Variants in USP7 observed in about 807,000 individuals in gnomAD.
USP7 encodes the protein ubiquitin specific peptidase 7, also known as ubiquitin C-terminal hydrolase 7.
A neutral mutation model predicts 162.9 loss-of-function variants in USP7; 9 were observed. The ratio of observed to expected loss-of-function variants is 0.06; its 90% CI spans 0.03 to 0.10. The LOEUF (loss-of-function observed/expected upper bound fraction) is 0.10, where lower values mean the gene tolerates loss of function less well. Among genes scored for constraint, USP7 ranks in the 10% least tolerant of loss-of-function variants. The pLI is 1.00. For synonymous variants in USP7, 562 were observed against 475.9 expected (o/e 1.18, Z -2.35); for missense variants, 715 against 1,373.7 (o/e 0.52, Z 7.58).
Position 8,903,400 on chromosome 16 carries a change from T to G in USP7, c.1707A>C (p.Ile569=), listed in dbSNP as rs903657562. The part of the protein sequence containing the change: ...QEAHLYMQVQ[I]VAEDQFCGHQ... ...GGCCACAAAACTGGTCCTCTGCGAC[T>G]ATCTGAAAATATGTATGAAAGCACA... The change falls in exon 16 of 31, where the codon ATA becomes ATC. Residue 569 remains isoleucine (I), a splice_region_variant and synonymous_variant. Transcript: ENST00000344836. 1 of 1,613,184 alleles carries G rather than the reference T, an allele frequency of 6.2e-7. No homozygotes were observed. The highest frequency in any genetic ancestry group is 1.3e-5 in the African/African-American group (1 of 74,912).
chr16:8,899,251 T>G, intron 22 of USP7, 63 bp from the exon 23 acceptor site: 3 of 1,533,372 alleles, frequency 2.0e-6, no homozygotes, highest in Non-Finnish European at 1.8e-6. Context: ...ATAAACTTCA[T>G]GCTTAATTAC....
chr16:8,903,188 A>G (rs577381312), intron 16 of USP7, 80 bp downstream of exon 16: 383 of 1,542,436 alleles, frequency 2.5e-4, no homozygotes, highest in Non-Finnish European at 3.1e-4. Flanking sequence ...CCCCAAAGGC[A>G]ATCAGTATTT....
chr16:8,906,275 T>C (rs2141182168), intron 13 of USP7, 151 bp downstream of exon 13: 1 of 822,610 alleles, frequency 1.2e-6, no homozygotes, highest in East Asian at 2.6e-5. Context: ...AGCAATTAAA[T>C]GGATGGGAAA....
chr16:8,946,055 A>G (rs953925161), intron 1 of USP7, among the ~76,000 whole-genome samples: 3 of 152,194 alleles, frequency 2.0e-5, no homozygotes, highest in Admixed American at 1.3e-4. Flanking sequence ...TACAAAAGCA[A>G]TTCAACGGAC....
intron 1 of USP7, among the ~76,000 whole-genome samples, chr16:8,946,533 A>G (rs370655055): frequency 6.6e-6 from 1 of 152,252 alleles, no homozygotes; most frequent in Non-Finnish European, 1.5e-5. Flanking sequence ...CAAATCGCGT[A>G]TCTTACAAAG....
chr16:8,903,041 A>G (rs1207492344), intron 16 of USP7, among the ~76,000 whole-genome samples: 1 of 152,202 alleles, frequency 6.6e-6, no homozygotes, highest in Non-Finnish European at 1.5e-5. Flanking sequence ...AAAAGGGGTG[A>G]AAACATGTCT....
chr16:8,892,482 T>C lies in USP7; in HGVS notation c.*1516A>G, dbSNP rs2061612817. ...GACGGTGCAAGGACCACGCCCACGA[T>C]AGCGCCTGCCGCCCCGAAGGGCCTC... On this transcript the variant is annotated 3_prime_UTR_variant, in exon 31 of 31. Coordinates refer to ENST00000344836, the MANE Select transcript of USP7 (RefSeq NM_003470.3). The C allele has an allele frequency of 6.6e-6, 1 of 152,056 alleles. No homozygotes were observed. The highest frequency in any genetic ancestry group is 1.5e-5 in the Non-Finnish European group (1 of 68,022). The allele number at this position is 152,056 out of a possible 1,614,324, so 9.4% of individuals were successfully genotyped here.
Position 8,921,280 on chromosome 16 carries a change from A to G in USP7, c.399T>C (p.His133=), listed in dbSNP as rs1172688034. 6.2e-7 allele frequency: 1 copy of G among 1,614,084 alleles called. No individual in the cohort carries two copies. Among genetic ancestry groups the G allele is most frequent in the Admixed American group, 1.7e-5 (1 of 60,024 alleles). The part of the protein sequence containing the change: ...AESDSTSWSC[H]AQAVLKIINY... Reference sequence around the variant, plus strand: ...TTATTATCTTCAGCACTGCTTGTGCATGGCAAGACCATGACCTGTTTAAAA... The same window carrying G: ...TTATTATCTTCAGCACTGCTTGTGCGTGGCAAGACCATGACCTGTTTAAAA... Residue 133 remains histidine (H), a synonymous_variant, in exon 4 of 31, where the codon CAT becomes CAC. Transcript: ENST00000344836.
At chr16:8,936,751 G>C (rs1241862490) in intron 1 of USP7, 1 of 1,349,036 alleles carries the variant, frequency 7.4e-7, no homozygotes, top group African/African-American at 1.5e-5. Flanking sequence ...CAGAAGCCTT[G>C]TCTTTAGGAC....
chr16:8,947,248 C>T (rs74704148), intron 1 of USP7, among the ~76,000 whole-genome samples: 1 of 150,876 alleles, frequency 6.6e-6, no homozygotes, highest in Non-Finnish European at 1.5e-5. Context: ...TCTCAATACA[C>T]TTTTGGAAAA....
intron 1 of USP7, among the ~76,000 whole-genome samples, chr16:8,938,719 A>AT (rs1239123089): frequency 3.3e-5 from 5 of 151,572 alleles, no homozygotes; most frequent in Non-Finnish European, 7.4e-5. Flanking sequence ...TCAAAAAAAA[A>AT]AAAATTGGGG....
In USP7 at chr16:8,923,283, A is replaced by G. The variant is rs749138865; in HGVS notation, c.315T>C (p.Phe105=). 12 of 1,614,230 alleles carry G rather than the reference A, an allele frequency of 7.4e-6. No homozygotes were observed. Among genetic ancestry groups the G allele is most frequent in the Non-Finnish European group, 1.0e-5 (12 of 1,180,044 alleles). ...LPWKIMVMPR[F]YPDRPHQKSV... is the part of the protein sequence containing the mutation. Reference sequence around the variant, plus strand: ...TTTTTTGGTGTGGTCTGTCTGGATAAAAGCGTGGCATCACCATAATCTTCC... The same window carrying G: ...TTTTTTGGTGTGGTCTGTCTGGATAGAAGCGTGGCATCACCATAATCTTCC... Residue 105 remains phenylalanine, a synonymous_variant, in exon 3 of 31, where the codon TTT becomes TTC. Coordinates refer to ENST00000344836, the MANE Select transcript of USP7 (RefSeq NM_003470.3).
At chr16:8,947,856 G>A (rs1276785242) in intron 1 of USP7, among the ~76,000 whole-genome samples, 1 of 152,190 alleles carries the variant, frequency 6.6e-6, no homozygotes, top group Non-Finnish European at 1.5e-5. Context: ...TCCCTGCACA[G>A]CTCCCACTTT....
rs890963219 is a variant in USP7 at position 8,905,421 on chromosome 16, C to G, written c.1429-90G>C. The stretch of plus-strand genomic sequence containing the variant: ...GCAGCGTTGTTCTAAAATGTGTGAA[C>G]TTCTAGGTATGCCCCTAGTTGAAAA... On this transcript the variant is annotated intron_variant, in intron 13 of 30. Transcript: ENST00000344836. The G allele has an allele frequency of 2.0e-6, 3 of 1,506,820 alleles. No homozygotes were observed. In the African/African-American group the frequency reaches 4.1e-5, roughly 21 times the overall value. 93.3% of individuals were successfully genotyped at this position (1,506,820 alleles called of 1,614,324 possible).
chr16:8,917,421 C>T (rs1179222183), intron 6 of USP7, among the ~76,000 whole-genome samples: 2 of 152,216 alleles, frequency 1.3e-5, no homozygotes, highest in Non-Finnish European at 2.9e-5. Context: ...CTCTGTTGGC[C>T]AGGCTGAAGT....
At chr16:8,903,217 A>G in intron 16 of USP7, 51 bp downstream of exon 16, 1 of 1,584,908 alleles carries the variant, frequency 6.3e-7, no homozygotes, top group African/African-American at 1.3e-5. Flanking sequence ...CACGGAAGGA[A>G]GGTGGACGTT....
intron 1 of USP7, among the ~76,000 whole-genome samples, chr16:8,950,624 T>TA (rs1899506053): frequency 6.6e-6 from 1 of 152,180 alleles, no homozygotes; most frequent in African/African-American, 2.4e-5. Flanking sequence ...CAGTCTCAGT[T>TA]ACCAACCCAG....
At chr16:8,939,315 G>A (rs1898924608) in intron 1 of USP7, among the ~76,000 whole-genome samples, 1 of 152,086 alleles carries the variant, frequency 6.6e-6, no homozygotes, top group Non-Finnish European at 1.5e-5. Flanking sequence ...CTGCATCTCT[G>A]GGATCTTGTC....
intron 1 of USP7, among the ~76,000 whole-genome samples, chr16:8,934,568 T>C (rs913228190): frequency 6.6e-6 from 1 of 152,232 alleles, no homozygotes; most frequent in East Asian, 1.9e-4. Flanking sequence ...ATGGTTCTAG[T>C]GTGAAGTTAG....
Sources: gnomAD v4.1 joint callset for allele counts (sites outside exome capture counted in the v4.1 genomes callset) on GRCh38, gnomAD v4.1.1 for gene constraint, MANE v1.5 for transcripts, NCBI Gene and HGNC (gene_info 2026-07-23, HGNC 2026-07-21) for gene names.